Variants in MCM4 observed in about 807,000 individuals in gnomAD.
MCM4 encodes the protein DNA replication licensing factor MCM4.
A neutral mutation model predicts 88.7 loss-of-function variants in MCM4; 60 were observed. The observed-to-expected ratio is 0.68, with a 90% CI of 0.55 to 0.84. The LOEUF is 0.84. Among genes scored for constraint, MCM4 ranks in the 40% least tolerant of loss-of-function variants. MCM4 has a pLI of 0.00. For missense variants in MCM4, 1,149 were observed against 1,105.5 expected (o/e 1.04, Z -0.56); for synonymous variants, 465 against 410.5 (o/e 1.13, Z -1.61).
Position 47,962,145 on chromosome 8 carries a change from A to T in MCM4, c.328A>T (p.Thr110Ser), listed in dbSNP as rs774276424. 3.1e-6 allele frequency: 5 copies of T among 1,614,198 alleles called. No homozygotes were observed. In the South Asian group the frequency reaches 5.5e-5, roughly 18 times the overall value. The stretch of plus-strand genomic sequence containing the variant: ...AACCCCAAGAAGTGGTGTTAGGGGC[A>T]CACCTGTGAGACAGAGGCCTGACCT... ...EGTPRSGVRG[T>S]PVRQRPDLGS... is the part of the protein sequence containing the mutation. Residue 110 changes from threonine (T) to serine (S), a missense_variant, in exon 4 of 17, where the codon ACA (threonine) becomes TCA (serine). Around this residue, in one of 3 missense-constraint regions of MCM4, gnomAD observed 906 missense variants for 843.0 expected, o/e 1.07. Transcript: ENST00000649973.
Position 47,970,621 on chromosome 8 carries a change from C to T in MCM4, c.1545C>T (p.Ser515=). 6.2e-7 allele frequency: 1 copy of T among 1,614,144 alleles called. No homozygotes were observed. Among genetic ancestry groups the T allele is most frequent in the Non-Finnish European group, 8.5e-7 (1 of 1,180,030 alleles). Residue 515 remains serine, a synonymous_variant, in exon 12 of 17, where the codon AGC becomes AGT. Transcript: ENST00000649973. ...TGCTGTGTGGCGACCCTGGTACCAGCAAGTCCCAGCTGCTGCAGTACGTGT... is the reference window on the plus strand; with the variant it reads ...TGCTGTGTGGCGACCCTGGTACCAGTAAGTCCCAGCTGCTGCAGTACGTGT... The part of the protein sequence containing the change: ...NILLCGDPGT[S]KSQLLQYVYN...
rs2091008980 is a variant in MCM4, at chr8:47,977,215, A to C, written c.*437A>C. On this transcript the variant is annotated 3_prime_UTR_variant, in exon 17 of 17. Coordinates refer to ENST00000649973, the MANE Select transcript of MCM4 (RefSeq NM_182746.3). ...CAGGCGGCAGAGGTTGCAGTGAGCC[A>C]AGATCGCGCCACTGCACTCCAGCCT... The C allele has an allele frequency of 6.7e-6, 1 of 149,350 alleles. No homozygotes were observed. The highest frequency in any genetic ancestry group is 1.5e-5 in the Non-Finnish European group (1 of 68,468). 9.3% of individuals were successfully genotyped at this position (149,350 alleles called of 1,614,324 possible).
chr8:47,975,855 G>T lies in MCM4; in HGVS notation c.2499+7G>T, dbSNP rs774842856. 1 of 1,500,408 alleles carries T rather than the reference G, an allele frequency of 6.7e-7. No homozygotes were observed. Among genetic ancestry groups the T allele is most frequent in the Non-Finnish European group, 8.8e-7 (1 of 1,130,190 alleles). The allele number at this position is 1,500,408 out of a possible 1,614,324, so 92.9% of individuals were successfully genotyped here. ...TCGGGGACAATCTGACATAGTAAGT[G>T]TTTATATGTATTTTTTGTTTGATAG... On this transcript the variant is annotated splice_region_variant and intron_variant, in intron 16 of 16. Transcript: ENST00000649973.
intron 3 of MCM4, 131 bp downstream of exon 3, chr8:47,961,811 C>T (rs1283666889): frequency 1.4e-5 from 17 of 1,246,732 alleles, no homozygotes; most frequent in African/African-American, 7.5e-5. Context: ...TGAGCATGTT[C>T]TTAACCAGAG....
At chr8:47,973,125 A>G (rs1203744590) in intron 14 of MCM4, 61 bp downstream of exon 14, 1 of 1,316,802 alleles carries the variant, frequency 7.6e-7, no homozygotes, top group East Asian at 2.4e-5. Flanking sequence ...GTAACTGACC[A>G]ATCATCTCCT....
chr8:47,962,439 G>C (rs1472736450), intron 5 of MCM4, 33 bp downstream of exon 5: 36 of 1,602,150 alleles, frequency 2.2e-5, no homozygotes, highest in Non-Finnish European at 3.1e-5. Context: ...CTTACTTTGG[G>C]CTCTGAAAAT....
At chr8:47,970,177 G>C (rs2090939604) in intron 11 of MCM4, 120 bp downstream of exon 11, 1 of 1,123,470 alleles carries the variant, frequency 8.9e-7, no homozygotes, top group Non-Finnish European at 1.3e-6. Flanking sequence ...GCCTGTTAGA[G>C]CAAGTGCTGG....
chr8:47,960,967 T>A lies in MCM4; in HGVS notation c.-62T>A. The A allele has an allele frequency of 1.7e-6, 1 of 600,470 alleles. No individual in the cohort carries two copies. The highest frequency in any genetic ancestry group is 2.7e-6 in the Non-Finnish European group (1 of 376,590). The allele number at this position is 600,470 out of a possible 1,614,324, so 37.2% of individuals were successfully genotyped here. A position where few individuals can be genotyped will look rare whatever the true frequency, so the allele number is the denominator to read the frequency against. On this transcript the variant is annotated 5_prime_UTR_variant, in exon 1 of 17. Coordinates refer to ENST00000649973, the MANE Select transcript of MCM4 (RefSeq NM_182746.3). ...CGGTTTGGGAGCGCTACTCGCCAGG[T>A]GGACTCGGAGTCCGCGAGCGTCGTC...
At chr8:47,968,743 T>C (rs2090923567) in intron 10 of MCM4, among the ~76,000 whole-genome samples, 1 of 152,312 alleles carries the variant, frequency 6.6e-6, no homozygotes, top group Non-Finnish European at 1.5e-5. Context: ...CTCTGTGCCA[T>C]TGCGTTGAGA....
intron 15 of MCM4, 104 bp downstream of exon 15, chr8:47,975,066 G>A: frequency 1.1e-6 from 1 of 943,536 alleles, no homozygotes. Context: ...TGAAACAGAA[G>A]TTCTTAACCT....
At position 47,976,763 on chromosome 8, in the gene MCM4, C is replaced by T. The variant is rs34535129; in HGVS notation, c.2577C>T (p.Thr859=). 60 of 1,611,894 alleles carry T rather than the reference C, an allele frequency of 3.7e-5. No homozygotes were observed. In the African/African-American group the frequency reaches 4.1e-4, roughly 11 times the overall value. The change falls in exon 17 of 17, where the codon ACC becomes ACT. Residue 859 remains threonine (T), a synonymous_variant. Coordinates refer to ENST00000649973, the MANE Select transcript of MCM4 (RefSeq NM_182746.3). The part of the protein sequence containing the change: ...DDDFLTVTGK[T]VRLL Reference sequence around the variant, plus strand: ...ATTTCCTGACAGTGACTGGGAAGACCGTGCGCTTGCTCTGAAGCCTTGTGA... The same window carrying T: ...ATTTCCTGACAGTGACTGGGAAGACTGTGCGCTTGCTCTGAAGCCTTGTGA...
Position 47,962,984 on chromosome 8 carries a change from G to GAAC in MCM4, c.639_641dup (p.Glu213_His214insGln). The GAAC allele has an allele frequency of 6.2e-7, 1 of 1,607,670 alleles. No individual in the cohort carries two copies. The highest frequency in any genetic ancestry group is 2.2e-5 in the East Asian group (1 of 44,770). On this transcript the variant is annotated inframe_insertion, in exon 7 of 17. Transcript: ENST00000649973. Reference sequence around the variant, plus strand: ...TGAGCCATTTTTAAATGTGAACTGTGAACACATCAAATCATTTGACAAAAA... The same window carrying GAAC: ...TGAGCCATTTTTAAATGTGAACTGTGAACAACACATCAAATCATTTGACAAAAA...
rs1458383992 is a variant in MCM4 at position 47,974,729 on chromosome 8, A to G, written c.2137-5A>G. The G allele has an allele frequency of 6.8e-6, 11 of 1,612,520 alleles. No homozygotes were observed. In the African/African-American group the frequency reaches 8.0e-5, roughly 12 times the overall value. ...CTTTTGCTTTTGTTTTTCTACCTAC[A>G]ATAGGCTTATGTAGACATGAGGAAG... On this transcript the variant is annotated splice_region_variant and splice_polypyrimidine_tract_variant and intron_variant, in intron 14 of 16. Coordinates refer to ENST00000649973, the MANE Select transcript of MCM4 (RefSeq NM_182746.3).
In MCM4 at chr8:47,960,955, C is replaced by T. The variant is rs559247482; in HGVS notation, c.-74C>T. 389 of 566,592 alleles carry T rather than the reference C, an allele frequency of 6.9e-4. 7 individuals are homozygous for T. In the South Asian group the frequency reaches 9.0e-3, roughly 13 times the overall value. 35.1% of individuals were successfully genotyped at this position (566,592 alleles called of 1,614,324 possible). A position where few individuals can be genotyped will look rare whatever the true frequency, so the allele number is the denominator to read the frequency against. Reference sequence around the variant, plus strand: ...CTCTGGGTCTCGCGGTTTGGGAGCGCTACTCGCCAGGTGGACTCGGAGTCC... The same window carrying T: ...CTCTGGGTCTCGCGGTTTGGGAGCGTTACTCGCCAGGTGGACTCGGAGTCC... On this transcript the variant is annotated 5_prime_UTR_variant, in exon 1 of 17. Coordinates refer to ENST00000649973, the MANE Select transcript of MCM4 (RefSeq NM_182746.3).
intron 2 of MCM4, 86 bp downstream of exon 2, chr8:47,961,300 G>A: frequency 7.0e-7 from 1 of 1,426,374 alleles, no homozygotes; most frequent in Non-Finnish European, 9.1e-7. Context: ...GGGTGGGTGC[G>A]CGGGACCCGG....
chr8:47,967,519 T>C (rs746108342), intron 10 of MCM4, 34 bp downstream of exon 10: 8 of 1,613,284 alleles, frequency 5.0e-6, no homozygotes, highest in Non-Finnish European at 5.9e-6. Flanking sequence ...CACTTGAGCA[T>C]GTCTGGCTTG....
At chr8:47,972,088 C>G (rs2154505375) in intron 13 of MCM4, among the ~76,000 whole-genome samples, 1 of 151,766 alleles carries the variant, frequency 6.6e-6, no homozygotes, top group East Asian at 1.9e-4. Context: ...AAAAATTAGC[C>G]CGGCGTGGCG....
Position 47,961,162 on chromosome 8 carries a change from G to T in MCM4, c.18G>T (p.Ser6=), listed in dbSNP as rs779561851. The T allele has an allele frequency of 1.9e-6, 3 of 1,551,086 alleles. No homozygotes were observed. In the African/African-American group the frequency reaches 4.3e-5, roughly 22 times the overall value. The change falls in exon 2 of 17, where the codon TCG becomes TCT. Residue 6 remains serine (S), a synonymous_variant. Coordinates refer to ENST00000649973, the MANE Select transcript of MCM4 (RefSeq NM_182746.3). MSSPA[S]TPSRRGSRRG... is the part of the protein sequence containing the mutation. Reference sequence around the variant, plus strand: ...CGAGCACTATGTCGTCCCCGGCGTCGACCCCGAGCCGCCGCGGCAGCCGGC... The same window carrying T: ...CGAGCACTATGTCGTCCCCGGCGTCTACCCCGAGCCGCCGCGGCAGCCGGC...
intron 15 of MCM4, chr8:47,975,179 TTTG>T: frequency 6.2e-6 from 3 of 484,356 alleles, no homozygotes; most frequent in African/African-American, 5.9e-5. Context: ...ATAGTTTTTT[TTTG>T]TTTTTTTTTT....
Sources: gnomAD v4.1 joint callset for allele counts (sites outside exome capture counted in the v4.1 genomes callset) on GRCh38, gnomAD v4.1.1 for gene constraint, gnomAD v4.1.1 regional missense constraint, MANE v1.5 for transcripts, NCBI Gene and HGNC (gene_info 2026-07-23, HGNC 2026-07-21) for gene names.